Variants in SCAP observed in about 807,000 individuals in gnomAD.
SCAP encodes SREBF chaperone.
In SCAP, 65 loss-of-function variants were observed where a neutral mutation model predicts 123.6. The observed-to-expected ratio is 0.53, with a 90% CI of 0.43 to 0.65. The LOEUF (loss-of-function observed/expected upper bound fraction) is 0.65, where lower values mean the gene tolerates loss of function less well. SCAP is among the 30% of genes least tolerant of loss of function. The probability of loss-of-function intolerance (pLI) is 0.00; values close to 1 mark genes in which losing one functional copy is unlikely to be tolerated. For missense variants in SCAP, 1,398 were observed against 1,712.5 expected, an observed-to-expected ratio of 0.82 and a Z score of 3.24; for synonymous variants, 740 against 726.3, an observed-to-expected ratio of 1.02 and a Z score of -0.30.
Position 47,455,089 on chromosome 3 carries a change from AT to A in SCAP, c.-98-11999del, listed in dbSNP as rs1559563633. 4.4e-3 allele frequency among the ~76,000 whole-genome samples: 427 copies of A among 98,148 alleles called. 1 individual carries two copies. The highest frequency in any genetic ancestry group is 5.9e-3 in the Non-Finnish European group (249 of 42,164). The allele number at this position is 98,148 out of a possible 152,430, so 64.4% of individuals were successfully genotyped here. On this transcript the variant is annotated intron_variant, in intron 1 of 22. Coordinates refer to ENST00000265565, the MANE Select transcript of SCAP (RefSeq NM_012235.4). ...TATATATATATATATATATATATAT[AT>A]ATATAATCAACTGAAAACCTTTTAC...
Position 47,417,454 on chromosome 3 carries a change from C to T in SCAP, c.2820G>A (p.Pro940=), listed in dbSNP as rs750204880. 35 of 1,551,680 alleles carry T rather than the reference C, an allele frequency of 2.3e-5. No individual in the cohort carries two copies. Among genetic ancestry groups the T allele is most frequent in the Middle Eastern group, 1.7e-4 (1 of 5,762 alleles). ...CGTCCTCAGGGGCCTGGGACAGCAC[C>T]GGCCCAGGCGAGGGTGGGCGCAGGG... The part of the protein sequence containing the change: ...TPALRPPSPG[P]VLSQAPEDEG... The change falls in exon 17 of 23, where the codon CCG becomes CCA. Residue 940 remains proline (P), a synonymous_variant. Coordinates refer to ENST00000265565, the MANE Select transcript of SCAP (RefSeq NM_012235.4).
chr3:47,454,696 C>A (rs1707351525), intron 1 of SCAP, among the ~76,000 whole-genome samples: 1 of 151,306 alleles, frequency 6.6e-6, no homozygotes, highest in African/African-American at 2.4e-5. Context: ...TACAGTGAGC[C>A]AAGATTGTGC....
intron 1 of SCAP, among the ~76,000 whole-genome samples, chr3:47,455,702 A>G (rs556495875): frequency 6.6e-6 from 1 of 152,176 alleles, no homozygotes; most frequent in Non-Finnish European, 1.5e-5. Flanking sequence ...TTAATGAGGA[A>G]AAGTCAATAT....
In SCAP at chr3:47,445,242, T is replaced by A. The variant is rs916040072; in HGVS notation, c.-98-2151A>T. ...ATTTGTTTGAATACCTGTTTTCAATTCTTTTTTTTTTTTTTTTTTTTGAGA... is the reference window on the plus strand; with the variant it reads ...ATTTGTTTGAATACCTGTTTTCAATACTTTTTTTTTTTTTTTTTTTTGAGA... On this transcript the variant is annotated intron_variant, in intron 1 of 22. Coordinates refer to ENST00000265565, the MANE Select transcript of SCAP (RefSeq NM_012235.4). Among the ~76,000 whole-genome samples the A allele has an allele frequency of 1.0e-4, 15 of 148,642 alleles. No individual in the cohort carries two copies. In the Admixed American group the frequency reaches 1.1e-3, roughly 11 times the overall value.
Position 47,413,860 on chromosome 3 carries a change from C to T in SCAP, c.3834G>A (p.Leu1278=). The part of the protein sequence containing the change: ...LVYVPSVLEK[L]D ...GGGCAAGGAGGCCCTGCGCTCAGTC[C>T]AGCTTCTCCAGCACAGAGGGCACAT... Residue 1278 remains leucine, a synonymous_variant, in exon 23 of 23, where the codon CTG becomes CTA. Transcript: ENST00000265565. 1 of 1,612,550 alleles carries T rather than the reference C, an allele frequency of 6.2e-7. No individual in the cohort carries two copies. Among genetic ancestry groups the T allele is most frequent in the Admixed American group, 1.7e-5 (1 of 60,022 alleles).
chr3:47,419,417 C>G lies in SCAP; in HGVS notation c.1851G>C (p.Trp617Cys). Residue 617 changes from tryptophan (W) to cysteine (C), a missense_variant, in exon 13 of 23, where the codon TGG becomes TGC. Coordinates refer to ENST00000265565, the MANE Select transcript of SCAP (RefSeq NM_012235.4). This position sits in a 1 kb window ranked among gnomAD's most constrained non-coding sequence, Gnocchi z 5.0. ...VHDSPVPEVTWGPEDEELWRK... is the reference protein window; with the variant it reads ...VHDSPVPEVTCGPEDEELWRK... ...TCCAAAGTTCCTCATCCTCAGGCCC[C>G]CAGGTTACCTCTGGGACTGGGCTGT... 6.2e-7 allele frequency: 1 copy of G among 1,613,824 alleles called. No individual in the cohort carries two copies. The highest frequency in any genetic ancestry group is 8.5e-7 in the Non-Finnish European group (1 of 1,179,972).
intron 1 of SCAP, among the ~76,000 whole-genome samples, chr3:47,462,880 C>T (rs1427320954): frequency 2.6e-5 from 4 of 152,090 alleles, no homozygotes; most frequent in Non-Finnish European, 5.9e-5. Context: ...TCCTGCTTCC[C>T]CATAGGCTTT....
chr3:47,438,691 G>A (rs1362710016), intron 2 of SCAP, among the ~76,000 whole-genome samples: 2 of 152,014 alleles, frequency 1.3e-5, no homozygotes, highest in African/African-American at 2.4e-5. Context: ...GCACACGCCT[G>A]TAATCCTAGC....
At chr3:47,432,082 A>AG (rs1250858073) in intron 3 of SCAP, among the ~76,000 whole-genome samples, 2 of 152,284 alleles carry the variant, frequency 1.3e-5, no homozygotes, top group East Asian at 3.9e-4. Flanking sequence ...TGGGAGGCCG[A>AG]GGCGGATGGA....
chr3:47,453,831 T>G (rs1215648359), intron 1 of SCAP, among the ~76,000 whole-genome samples: 1 of 152,130 alleles, frequency 6.6e-6, no homozygotes, highest in Non-Finnish European at 1.5e-5. Context: ...CTCTCTTTAC[T>G]GAATGCCCTT....
chr3:47,424,485 A>G (rs770968108), intron 8 of SCAP, among the ~76,000 whole-genome samples: 3 of 152,128 alleles, frequency 2.0e-5, no homozygotes, highest in Non-Finnish European at 4.4e-5. Context: ...AGGCCCACTC[A>G]CCTTTGTTGA....
At chr3:47,426,874 G>A (rs189015774) in intron 6 of SCAP, among the ~76,000 whole-genome samples, 39 of 152,252 alleles carry the variant, frequency 2.6e-4, no homozygotes, top group Non-Finnish European at 4.3e-4. Flanking sequence ...AACCAGCTGG[G>A]GATGCCTGCC....
At chr3:47,476,633 G>A (rs1404026577), upstream of SCAP, among the ~76,000 whole-genome samples, 1 of 152,192 alleles carries the variant, frequency 6.6e-6, no homozygotes, top group African/African-American at 2.4e-5. Context: ...TACGTTCACT[G>A]TTTACTAGGT....
Position 47,441,971 on chromosome 3 carries a change from G to A in SCAP, c.122+901C>T, listed in dbSNP as rs868018047. 3.3e-4 allele frequency among the ~76,000 whole-genome samples: 47 copies of A among 142,400 alleles called. 1 individual carries two copies. Among genetic ancestry groups the A allele is most frequent in the Middle Eastern group, 4.2e-3 (1 of 238 alleles). 93.4% of individuals were successfully genotyped at this position (142,400 alleles called of 152,430 possible). A position where few individuals can be genotyped will look rare whatever the true frequency, so the allele number is the denominator to read the frequency against. On this transcript the variant is annotated intron_variant, in intron 2 of 22. Transcript: ENST00000265565. ...GATTCTCTCACCTCAGCCTCCCAGT[G>A]TTGGAATTACAGGTATGAGCACTGC... is the stretch of plus-strand genomic sequence containing the variant.
At chr3:47,461,675 AAC>A (rs943107699) in intron 1 of SCAP, among the ~76,000 whole-genome samples, 1 of 152,174 alleles carries the variant, frequency 6.6e-6, no homozygotes, top group African/African-American at 2.4e-5. Flanking sequence ...CAGCCCGGGG[AAC>A]ATTTCCATGA....
intron 18 of SCAP, among the ~76,000 whole-genome samples, chr3:47,416,793 A>ATTTTTTTTT (rs566619829): frequency 1.3e-5 from 2 of 149,866 alleles, no homozygotes; most frequent in African/African-American, 5.0e-5. Flanking sequence ...CGCCCGGCTA[A>ATTTTTTTTT]TTTTTTGTAT....
intron 8 of SCAP, among the ~76,000 whole-genome samples, chr3:47,424,811 G>C (rs1706053650): frequency 6.6e-6 from 1 of 152,196 alleles, no homozygotes; most frequent in African/African-American, 2.4e-5. Context: ...ATGGGCCAAA[G>C]TGGTGGACAG....
At position 47,415,172 on chromosome 3, in the gene SCAP, G is replaced by A. The variant is rs1300671938; in HGVS notation, c.3065C>T (p.Ala1022Val). The A allele has an allele frequency of 5.0e-6, 8 of 1,611,280 alleles. No individual in the cohort carries two copies. The highest frequency in any genetic ancestry group is 4.5e-5 in the East Asian group (2 of 44,852). ...ATCAAGGGAACCGTTGAGCCGTGCAGCCACAATCCTGGAAGAGAAGAACAG... is the reference window on the plus strand; with the variant it reads ...ATCAAGGGAACCGTTGAGCCGTGCAACCACAATCCTGGAAGAGAAGAACAG... The part of the protein sequence containing the change: ...ALVFLDKRIV[A>V]ARLNGSLDFF... Residue 1022 changes from alanine (A) to valine (V), a missense_variant, in exon 19 of 23, where the codon GCT becomes GTT. Physicochemically the swap from Ala to Val is moderately conservative, Grantham distance 64. Coordinates refer to ENST00000265565, the MANE Select transcript of SCAP (RefSeq NM_012235.4).
chr3:47,466,133 AACC>A (rs781034412), intron 1 of SCAP, among the ~76,000 whole-genome samples: 10 of 147,132 alleles, frequency 6.8e-5, no homozygotes, highest in African/African-American at 1.7e-4. Flanking sequence ...CTGTCTTAAA[AACC>A]AAAAAAAAAA....
Sources: gnomAD v4.1 joint callset for allele counts (sites outside exome capture counted in the v4.1 genomes callset) on GRCh38, gnomAD v4.1.1 for gene constraint, Gnocchi (gnomAD v3.1) non-coding constraint, MANE v1.5 for transcripts, NCBI Gene and HGNC (gene_info 2026-07-23, HGNC 2026-07-21) for gene names.